SP2: variants seen among roughly 807,000 people sequenced by gnomAD.
SP2 encodes transcription factor Sp2.
A neutral mutation model predicts 50.1 loss-of-function variants in SP2; 9 were observed. The observed-to-expected ratio is 0.18, with a 90% confidence interval of 0.11 to 0.31. The LOEUF (loss-of-function observed/expected upper bound fraction) is 0.31, where lower values mean the gene tolerates loss of function less well. Ranked by LOEUF, SP2 falls within the 10% of genes least tolerant of loss-of-function variation. The probability of loss-of-function intolerance (pLI) is 1.00; values close to 1 mark genes in which losing one functional copy is unlikely to be tolerated. For missense variants in SP2, 581 were observed against 806.5 expected (o/e 0.72, Z 3.39); for synonymous variants, 313 against 326.6 (o/e 0.96, Z 0.45).
intron 1 of SP2, chr17:47,898,243 G>T (rs1333854706): frequency 6.6e-6 from 1 of 152,226 alleles, no homozygotes; most frequent in African/African-American, 2.4e-5. Flanking sequence ...TGTCAGAGAG[G>T]AGAAAAGAAA....
rs765993749 is a variant in SP2 at position 47,917,071 on chromosome 17, G to A, written c.1000G>A (p.Val334Ile). The change falls in exon 3 of 7, where the codon GTA becomes ATA. Residue 334 changes from valine to isoleucine, a missense_variant. This residue lies in a region of SP2 where 397 missense variants were observed against 491.0 expected (regional missense o/e 0.81). Coordinates refer to ENST00000376741, the MANE Select transcript of SP2 (RefSeq NM_003110.6). The part of the protein sequence containing the change: ...VQAASATLPT[V>I]PQKPSQNFQI... ...GGCGGCATCTGCCACCCTCCCCACT[G>A]TACCCCAGAAGCCCTCCCAGAACTT... The A allele has an allele frequency of 2.5e-6, 4 of 1,613,514 alleles. No individual in the cohort carries two copies. The highest frequency in any genetic ancestry group is 1.7e-5 in the Admixed American group (1 of 59,984).
At position 47,928,700 on chromosome 17, in the gene SP2, C is replaced by G. The variant is rs932016643; in HGVS notation, c.*876C>G. ...TCACCTCACCCCTGCCCGGCCCAAG[C>G]TCTACTTGTGTACAGTGTATATTGT... On this transcript the variant is annotated 3_prime_UTR_variant, in exon 7 of 7. Coordinates refer to ENST00000376741, the MANE Select transcript of SP2 (RefSeq NM_003110.6). The G allele has an allele frequency of 6.5e-6, 1 of 152,756 alleles. No homozygotes were observed. Among genetic ancestry groups the G allele is most frequent in the Non-Finnish European group, 1.5e-5 (1 of 68,068 alleles). 9.5% of individuals were successfully genotyped at this position (152,756 alleles called of 1,614,324 possible). A position where few individuals can be genotyped will look rare whatever the true frequency, so the allele number is the denominator to read the frequency against.
intron 1 of SP2, chr17:47,914,745 G>A (rs1368187804): frequency 6.6e-6 from 1 of 152,326 alleles, no homozygotes; most frequent in Non-Finnish European, 1.5e-5. Flanking sequence ...TGGCTGGAGG[G>A]GGCAGTCCAA....
chr17:47,903,144 A>G (rs2143795772), intron 1 of SP2, among the ~76,000 whole-genome samples: 1 of 152,370 alleles, frequency 6.6e-6, no homozygotes, highest in South Asian at 2.1e-4. Context: ...TAGAAATGTG[A>G]GAGTTAAAAT....
chr17:47,909,377 C>T (rs1319051833), intron 1 of SP2, among the ~76,000 whole-genome samples: 1 of 152,148 alleles, frequency 6.6e-6, no homozygotes, highest in Non-Finnish European at 1.5e-5. Context: ...GCTCTTTCTG[C>T]CCTATATGCA....
rs534077516 is a variant in SP2, at chr17:47,927,471, G to T, written c.1742-253G>T. 3.4e-5 allele frequency among the ~76,000 whole-genome samples: 5 copies of T among 147,972 alleles called. No individual in the cohort carries two copies. The South Asian group carries it at 1.1e-3, about 32-fold the overall frequency. ...TTGCTTGACCTGGGAGGTGGAGGTT[G>T]CAGTGAGTGGAGATTGTGCCACTGC... On this transcript the variant is annotated intron_variant, in intron 6 of 6. Transcript: ENST00000376741.
chr17:47,898,247 AAAG>A (rs944649533), intron 1 of SP2: 11 of 152,360 alleles, frequency 7.2e-5, no homozygotes, highest in Admixed American at 1.3e-4. Flanking sequence ...AGAGAGGAGA[AAAG>A]AAATTATAAG....
At chr17:47,909,845 A>G (rs2034910029) in intron 1 of SP2, 1 of 247,592 alleles carries the variant, frequency 4.0e-6, no homozygotes, top group Non-Finnish European at 6.4e-6. Flanking sequence ...GACATCTGCA[A>G]GGTTTTTTTG....
Position 47,923,083 on chromosome 17 carries a change from T to A in SP2, c.1181T>A (p.Leu394Gln), listed in dbSNP as rs1174120051. 1 of 1,614,116 alleles carries A rather than the reference T, an allele frequency of 6.2e-7. No homozygotes were observed. Among genetic ancestry groups the A allele is most frequent in the East Asian group, 2.2e-5 (1 of 44,896 alleles). The stretch of plus-strand genomic sequence containing the variant: ...AGCCCTGCATCCCGTGCTCCCCATC[T>A]GAGTGGGACCAGCAAAAAGCACTCA... The part of the protein sequence containing the change: ...CSSPASRAPH[L>Q]SGTSKKHSAA... The change falls in exon 4 of 7, where the codon CTG becomes CAG. Residue 394 changes from leucine to glutamine, a missense_variant. Leu to Gln is a moderately radical substitution (Grantham distance 113). Around this residue, in one of 2 missense-constraint regions of SP2, gnomAD observed 184 missense variants for 315.5 expected, o/e 0.58. Transcript: ENST00000376741.
intron 1 of SP2, among the ~76,000 whole-genome samples, chr17:47,914,482 G>A (rs1207839124): frequency 6.6e-6 from 1 of 152,210 alleles, no homozygotes; most frequent in Admixed American, 6.5e-5. Context: ...TGGAGCAGGT[G>A]TGTCCTCCTT....
At chr17:47,915,143 G>T (rs1468012208) in intron 1 of SP2, among the ~76,000 whole-genome samples, 169 bp from the exon 2 acceptor site, 1 of 151,964 alleles carries the variant, frequency 6.6e-6, no homozygotes, top group Non-Finnish European at 1.5e-5. Context: ...AACTTGGAAG[G>T]GGGAGGTTGC....
intron 1 of SP2, among the ~76,000 whole-genome samples, chr17:47,904,301 GT>G: frequency 6.6e-6 from 1 of 151,948 alleles, no homozygotes; most frequent in East Asian, 1.9e-4. Context: ...TAGCCATTAG[GT>G]TTTTAGCAAC....
chr17:47,903,352 G>A (rs2034619002), intron 1 of SP2, among the ~76,000 whole-genome samples: 1 of 152,152 alleles, frequency 6.6e-6, no homozygotes, highest in Non-Finnish European at 1.5e-5. Context: ...TGTCCTAGAG[G>A]CCAAGTAAAG....
chr17:47,914,479 GGT>G (rs2035111844), intron 1 of SP2, among the ~76,000 whole-genome samples: 1 of 152,192 alleles, frequency 6.6e-6, no homozygotes, highest in African/African-American at 2.4e-5. Context: ...CAGTGGAGCA[GGT>G]GTGTCCTCCT....
intron 4 of SP2, 64 bp downstream of exon 4, chr17:47,923,338 T>C (rs759729062): frequency 1.4e-6 from 2 of 1,381,688 alleles, no homozygotes; most frequent in Non-Finnish European, 2.0e-6. Context: ...GTGGAAACTA[T>C]GGGCTGGCCC....
intron 1 of SP2, chr17:47,909,650 C>T (rs1341466196): frequency 1.1e-6 from 1 of 950,668 alleles, no homozygotes; most frequent in Non-Finnish European, 1.3e-6. Flanking sequence ...GATGACATTA[C>T]CTTTGTTTTA....
At chr17:47,926,724 G>A (rs979287901) in intron 6 of SP2, among the ~76,000 whole-genome samples, 2 of 151,640 alleles carry the variant, frequency 1.3e-5, no homozygotes, top group Non-Finnish European at 2.9e-5. Flanking sequence ...AGGAGTTCGA[G>A]ACCAGCCAGG....
At position 47,915,359 on chromosome 17, in the gene SP2, T is replaced by C. The variant is rs911884401; in HGVS notation, c.55T>C (p.Tyr19His). 6.2e-7 allele frequency: 1 copy of C among 1,613,506 alleles called. No homozygotes were observed. Among genetic ancestry groups the C allele is most frequent in the Non-Finnish European group, 8.5e-7 (1 of 1,179,692 alleles). Reference protein sequence around the residue: ...AATAAVSPSDYLQPAASTTQD... With the variant: ...AATAAVSPSDHLQPAASTTQD... Reference sequence around the variant, plus strand: ...CACTGCTGCTGTGAGTCCCAGTGACTACCTGCAGCCTGCCGCCTCCACCAC... The same window carrying C: ...CACTGCTGCTGTGAGTCCCAGTGACCACCTGCAGCCTGCCGCCTCCACCAC... Residue 19 changes from tyrosine (Y) to histidine (H), a missense_variant, in exon 2 of 7, where the codon TAC becomes CAC. Tyr to His is a moderately conservative substitution (Grantham distance 83). Transcript: ENST00000376741.
chr17:47,919,028 T>TAC (rs147467124), intron 3 of SP2, among the ~76,000 whole-genome samples: 2,289 of 151,616 alleles, frequency 0.015, 37 homozygotes, highest in Non-Finnish European at 0.023. Context: ...CATGCACGCA[T>TAC]ACACACACAC....
Sources: allele counts gnomAD v4.1 joint callset (sites outside exome capture counted in the v4.1 genomes callset), GRCh38; gene constraint gnomAD v4.1.1; regional missense constraint gnomAD v4.1.1; transcripts MANE v1.5; gene names NCBI Gene and HGNC (gene_info 2026-07-23, HGNC 2026-07-21).